Variants in LRRC7 observed in about 807,000 individuals in gnomAD.
The protein encoded by LRRC7 is leucine rich repeat containing 7, also known as leucine-rich repeat-containing protein 7.
LRRC7 carries 23 observed loss-of-function variants against 175.7 expected under a neutral mutation model. The ratio of observed to expected loss-of-function variants is 0.13; its 90% CI spans 0.09 to 0.19. The LOEUF (loss-of-function observed/expected upper bound fraction) is 0.19. Ranked by LOEUF, LRRC7 falls within the 10% of genes least tolerant of loss-of-function variation. LRRC7 has a pLI of 1.00. For synonymous variants in LRRC7, 685 were observed against 680.9 expected (o/e 1.01, Z -0.09); for missense variants, 1,354 against 1,904.7 (o/e 0.71, Z 5.38).
In LRRC7 at chr1:69,883,486, T is replaced by G. The variant is rs1239997586; in HGVS notation, c.647+45203T>G. ...GTTTGTTTTTTTCTTGTAAATTTGT[T>G]TGAGTTCATTGTAGATTCTGGATAT... On this transcript the variant is annotated intron_variant, in intron 7 of 26. Coordinates refer to ENST00000651989, the MANE Select transcript of LRRC7 (RefSeq NM_001370785.2). 1.6e-4 allele frequency among the ~76,000 whole-genome samples: 16 copies of G among 102,634 alleles called. 3 individuals carry two copies. Among genetic ancestry groups the G allele is most frequent in the Admixed American group, 1.5e-3 (15 of 10,090 alleles). 67.3% of individuals were successfully genotyped at this position (102,634 alleles called of 152,430 possible).
intron 2 of LRRC7, among the ~76,000 whole-genome samples, chr1:69,718,156 G>GAAAGAA (rs1215846032): frequency 6.8e-6 from 1 of 147,560 alleles, no homozygotes; most frequent in Non-Finnish European, 1.5e-5. Context: ...AAGAAAGAAA[G>GAAAGAA]AAAGAAAGAA....
intron 7 of LRRC7, among the ~76,000 whole-genome samples, chr1:69,857,923 A>G (rs1192338859): frequency 6.6e-6 from 1 of 152,224 alleles, no homozygotes; most frequent in Non-Finnish European, 1.5e-5. Flanking sequence ...ATATAGATCA[A>G]TGGAACAGAA....
intron 7 of LRRC7, among the ~76,000 whole-genome samples, chr1:69,916,923 G>C (rs1216033089): frequency 6.6e-6 from 1 of 152,058 alleles, no homozygotes; most frequent in Non-Finnish European, 1.5e-5. Flanking sequence ...GTTTATTTTG[G>C]TTGGTGGAAA....
At position 70,135,053 on chromosome 1, in the gene LRRC7, T is replaced by C. The variant is rs539906924; in HGVS notation, c.*13166T>C. Among the ~76,000 whole-genome samples the C allele has an allele frequency of 6.6e-6, 1 of 152,366 alleles. No individual in the cohort carries two copies. Among genetic ancestry groups the C allele is most frequent in the East Asian group, 1.9e-4 (1 of 5,192 alleles). ...AATTACATAGAATTTTACTGAAGAG[T>C]ATAAGAGAAAACGTCTTGAAAGTTT... is the stretch of plus-strand genomic sequence containing the variant. On this transcript the variant is annotated 3_prime_UTR_variant, in exon 27 of 27. Transcript: ENST00000651989.
At chr1:69,583,549 G>C (rs1457762283) in intron 1 of LRRC7, among the ~76,000 whole-genome samples, 1 of 152,074 alleles carries the variant, frequency 6.6e-6, no homozygotes, top group Non-Finnish European at 1.5e-5. Flanking sequence ...ATAAAACAGA[G>C]ACAAGTAAGA....
chr1:69,672,174 C>G (rs1198151508), intron 1 of LRRC7, among the ~76,000 whole-genome samples: 4 of 151,956 alleles, frequency 2.6e-5, no homozygotes, highest in Admixed American at 2.0e-4. Flanking sequence ...GTTAAATTGG[C>G]GTCCTATCAG....
intron 16 of LRRC7, among the ~76,000 whole-genome samples, chr1:70,021,912 A>C (rs532891598): frequency 6.6e-6 from 1 of 152,122 alleles, no homozygotes; most frequent in East Asian, 1.9e-4. Context: ...TACTTTTTCT[A>C]TCATGGCTAC....
chr1:69,590,079 A>G (rs1646573212), intron 1 of LRRC7, among the ~76,000 whole-genome samples: 1 of 152,172 alleles, frequency 6.6e-6, no homozygotes, highest in Non-Finnish European at 1.5e-5. Context: ...GTAGGAAAAA[A>G]TATTATCCAT....
chr1:69,727,660 T>C (rs1382424805), intron 2 of LRRC7, among the ~76,000 whole-genome samples: 1 of 152,172 alleles, frequency 6.6e-6, no homozygotes, highest in Non-Finnish European at 1.5e-5. Flanking sequence ...CTGTGTGAGC[T>C]CTAAGTTGAG....
At chr1:69,776,221 ATTC>A (rs1672790588) in intron 3 of LRRC7, among the ~76,000 whole-genome samples, 3 of 152,138 alleles carry the variant, frequency 2.0e-5, no homozygotes, top group African/African-American at 4.8e-5. Flanking sequence ...CCCTGTGGTA[ATTC>A]TTCTTCACGT....
At chr1:69,625,871 C>T (rs1354296137) in intron 1 of LRRC7, among the ~76,000 whole-genome samples, 3 of 152,056 alleles carry the variant, frequency 2.0e-5, no homozygotes, top group Admixed American at 1.3e-4. Flanking sequence ...TGAAGAAACT[C>T]GTATGTTCCA....
intron 3 of LRRC7, among the ~76,000 whole-genome samples, chr1:69,789,825 G>A (rs1674904516): frequency 6.6e-6 from 1 of 151,986 alleles, no homozygotes; most frequent in Non-Finnish European, 1.5e-5. Context: ...ATCTAGAAAA[G>A]TAAAAAATAA....
chr1:69,900,107 T>A, intron 7 of LRRC7, among the ~76,000 whole-genome samples: 1 of 152,192 alleles, frequency 6.6e-6, no homozygotes, highest in East Asian at 1.9e-4. Context: ...CCATTCCAAA[T>A]TTGTAGGCTG....
chr1:70,139,275 G>A lies in LRRC7; in HGVS notation c.*17388G>A, dbSNP rs1666980034. ...AGAATTAAGTACTCTTGGGATAAAGGAAATTAACGAGCTTTTGACATTTCA... is the reference window on the plus strand; with the variant it reads ...AGAATTAAGTACTCTTGGGATAAAGAAAATTAACGAGCTTTTGACATTTCA... On this transcript the variant is annotated 3_prime_UTR_variant, in exon 27 of 27. Coordinates refer to ENST00000651989, the MANE Select transcript of LRRC7 (RefSeq NM_001370785.2). 6.6e-6 allele frequency: 1 copy of A among 152,146 alleles called. No homozygotes were observed. Among genetic ancestry groups the A allele is most frequent in the Non-Finnish European group, 1.5e-5 (1 of 68,008 alleles). The allele number at this position is 152,146 out of a possible 1,614,324, so 9.4% of individuals were successfully genotyped here.
intron 11 of LRRC7, among the ~76,000 whole-genome samples, chr1:70,001,998 A>G (rs1417687850): frequency 1.3e-5 from 2 of 152,182 alleles, no homozygotes; most frequent in Non-Finnish European, 2.9e-5. Flanking sequence ...ACTATATGTG[A>G]TGCGTCTTTA....
intron 25 of LRRC7, among the ~76,000 whole-genome samples, chr1:70,098,327 A>G (rs1449495335): frequency 2.0e-5 from 3 of 152,028 alleles, no homozygotes; most frequent in Non-Finnish European, 4.4e-5. Context: ...AGCAGTGTGT[A>G]GAGGGAAATT....
At position 69,841,197 on chromosome 1, in the gene LRRC7, C is replaced by A. The variant is rs74087768; in HGVS notation, c.647+2914C>A. Among the ~76,000 whole-genome samples the A allele has an allele frequency of 9.6e-3, 1,456 of 152,058 alleles. 19 individuals carry two copies. The highest frequency in any genetic ancestry group is 0.033 in the African/African-American group (1,371 of 41,496). On this transcript the variant is annotated intron_variant, in intron 7 of 26. Transcript: ENST00000651989. ...GGTGATAGACTGGAAGCTTTCCATT[C>A]TTTTCCTATAGAAGCTCAAGTGTGC...
At chr1:69,693,823 C>T (rs894177886) in intron 2 of LRRC7, among the ~76,000 whole-genome samples, 2 of 152,152 alleles carry the variant, frequency 1.3e-5, no homozygotes, top group African/African-American at 4.8e-5. Context: ...AAATTGCTCC[C>T]ATAGTCAATC....
Position 70,039,606 on chromosome 1 carries a change from C to T in LRRC7, c.3782C>T (p.Thr1261Ile). 1 of 1,614,096 alleles carries T rather than the reference C, an allele frequency of 6.2e-7. No homozygotes were observed. Among genetic ancestry groups the T allele is most frequent in the Admixed American group, 1.7e-5 (1 of 60,024 alleles). Reference sequence around the variant, plus strand: ...ACCAGGCCAGTTTCAGCTAGGCCTACTATGGCAGCTCTTTTGGAAAAAATA... The same window carrying T: ...ACCAGGCCAGTTTCAGCTAGGCCTATTATGGCAGCTCTTTTGGAAAAAATA... ...SQTRPVSARPTMAALLEKIPS... is the reference protein window; with the variant it reads ...SQTRPVSARPIMAALLEKIPS... The change falls in exon 21 of 27, where the codon ACT becomes ATT. Residue 1261 changes from threonine to isoleucine, a missense_variant. Thr to Ile is a moderately conservative substitution (Grantham distance 89, BLOSUM62 -1). Transcript: ENST00000651989.
Sources: gnomAD v4.1 joint callset for allele counts (sites outside exome capture counted in the v4.1 genomes callset) on GRCh38, gnomAD v4.1.1 for gene constraint, MANE v1.5 for transcripts, NCBI Gene and HGNC (gene_info 2026-07-23, HGNC 2026-07-21) for gene names.